IL7R: variants seen among roughly 807,000 people sequenced by gnomAD.
The protein encoded by IL7R is interleukin 7 receptor.
In IL7R, 38 loss-of-function variants were observed where a neutral mutation model predicts 47.0. The ratio of observed to expected loss-of-function variants is 0.81; its 90% confidence interval spans 0.62 to 1.06. IL7R has a LOEUF of 1.06. Among genes scored for constraint, IL7R ranks in the 50% least tolerant of loss-of-function variants. IL7R has a pLI of 0.00. For synonymous variants in IL7R, 221 were observed against 199.8 expected, an observed-to-expected ratio of 1.11 and a Z score of -0.89; for missense variants, 633 against 534.8, an observed-to-expected ratio of 1.18 and a Z score of -1.81.
chr5:35,858,343 T>C (rs1235434329), intron 1 of IL7R, among the ~76,000 whole-genome samples: 2 of 152,150 alleles, frequency 1.3e-5, no homozygotes, highest in African/African-American at 2.4e-5. Context: ...TTGAAAGTTG[T>C]CAATTTTCTG....
rs1393129501 is a variant in IL7R at position 35,876,729 on chromosome 5, T to C, written c.*243T>C. The C allele has an allele frequency of 3.9e-6, 2 of 515,380 alleles. No individual in the cohort carries two copies. Among genetic ancestry groups the C allele is most frequent in the Non-Finnish European group, 6.9e-6 (2 of 290,164 alleles). 31.9% of individuals were successfully genotyped at this position (515,380 alleles called of 1,614,324 possible). Reference sequence around the variant, plus strand: ...GGTCACAAGGTTTAAGGTGACCCAATGATTCAGCTATTTAAAAAAAAAAGA... The same window carrying C: ...GGTCACAAGGTTTAAGGTGACCCAACGATTCAGCTATTTAAAAAAAAAAGA... On this transcript the variant is annotated 3_prime_UTR_variant, in exon 8 of 8. Coordinates refer to ENST00000303115, the MANE Select transcript of IL7R (RefSeq NM_002185.5).
chr5:35,858,396 A>C (rs544939779), intron 1 of IL7R, among the ~76,000 whole-genome samples: 1 of 152,310 alleles, frequency 6.6e-6, no homozygotes, highest in South Asian at 2.1e-4. Context: ...ATACTTTTTA[A>C]AAATCCAAAT....
intron 3 of IL7R, among the ~76,000 whole-genome samples, chr5:35,868,232 G>A (rs1759987020): frequency 6.6e-6 from 1 of 152,156 alleles, no homozygotes; most frequent in Admixed American, 6.5e-5. Context: ...TTTACTCAAA[G>A]TTTACTGATT....
rs114441625 is a variant in IL7R at position 35,878,694 on chromosome 5, T to G, written c.*2208T>G. The G allele has an allele frequency of 9.4e-4, 219 of 232,806 alleles. 2 individuals carry two copies. Among genetic ancestry groups the G allele is most frequent in the African/African-American group, 4.5e-3 (203 of 45,444 alleles). 14.4% of individuals were successfully genotyped at this position (232,806 alleles called of 1,614,324 possible). A position where few individuals can be genotyped will look rare whatever the true frequency, so the allele number is the denominator to read the frequency against. On this transcript the variant is annotated 3_prime_UTR_variant, in exon 8 of 8. Transcript: ENST00000303115. ...CCTTATTCACAGAAGTTCTTTGAAG[T>G]ATTTATTGTTATTTTCTTTGACTTA...
In IL7R at chr5:35,876,312, G is replaced by A. The variant is rs2149906010; in HGVS notation, c.1206G>A (p.Gln402=). 1 of 1,613,608 alleles carries A rather than the reference G, an allele frequency of 6.2e-7. No individual in the cohort carries two copies. The highest frequency in any genetic ancestry group is 8.5e-7 in the Non-Finnish European group (1 of 1,179,588). The change falls in exon 8 of 8, where the codon CAG becomes CAA. Residue 402 remains glutamine, a synonymous_variant. Coordinates refer to ENST00000303115, the MANE Select transcript of IL7R (RefSeq NM_002185.5). ...ESGKNGPHVY[Q]DLLLSLGTTN... is the part of the protein sequence containing the mutation. ...GCAAGAATGGGCCTCATGTGTACCA[G>A]GACCTCCTGCTTAGCCTTGGGACTA...
At chr5:35,871,268 G>T in intron 4 of IL7R, 55 bp downstream of exon 4, 4 of 1,454,444 alleles carry the variant, frequency 2.8e-6, no homozygotes, top group Non-Finnish European at 3.8e-6. Context: ...TTTCTATTTT[G>T]TTGGCCTAGT....
chr5:35,856,956 C>A lies in IL7R; in HGVS notation c.-22C>A, dbSNP rs543865837. ...ATACACACTGGCTCACACATCTACTCTCTCTCTCTATCTCTCTCAGAATGA... is the reference window on the plus strand; with the variant it reads ...ATACACACTGGCTCACACATCTACTATCTCTCTCTATCTCTCTCAGAATGA... On this transcript the variant is annotated 5_prime_UTR_variant, in exon 1 of 8. Coordinates refer to ENST00000303115, the MANE Select transcript of IL7R (RefSeq NM_002185.5). The A allele has an allele frequency of 1.1e-5, 15 of 1,390,694 alleles. No homozygotes were observed. The South Asian group carries it at 1.6e-4, about 15-fold the overall frequency. 86.1% of individuals were successfully genotyped at this position (1,390,694 alleles called of 1,614,324 possible).
In IL7R at chr5:35,867,354, G is replaced by T; in HGVS notation, c.270G>T (p.Glu90Asp). ...VKCLNFRKLQEIYFIETKKFL... is the reference protein window; with the variant it reads ...VKCLNFRKLQDIYFIETKKFL... ...GCCTGAATTTCAGGAAACTACAAGA[G>T]ATATATTTCATCGAGACAAAGAAAT... Residue 90 changes from glutamate (E) to aspartate (D), a missense_variant, in exon 3 of 8, where the codon GAG becomes GAT. By Grantham distance (45) the Glu-to-Asp change is conservative. Coordinates refer to ENST00000303115, the MANE Select transcript of IL7R (RefSeq NM_002185.5). 6.2e-7 allele frequency: 1 copy of T among 1,613,666 alleles called. No homozygotes were observed. Among genetic ancestry groups the T allele is most frequent in the Non-Finnish European group, 8.5e-7 (1 of 1,179,646 alleles).
intron 1 of IL7R, among the ~76,000 whole-genome samples, chr5:35,857,446 T>C (rs1017469225): frequency 6.6e-6 from 1 of 150,808 alleles, no homozygotes; most frequent in Non-Finnish European, 1.5e-5. Flanking sequence ...TTTTAAGAAA[T>C]CCTGAAAGCA....
At chr5:35,871,259 T>C (rs1760070032) in intron 4 of IL7R, 46 bp downstream of exon 4, 2 of 1,510,912 alleles carry the variant, frequency 1.3e-6, no homozygotes, top group Non-Finnish European at 1.8e-6. Flanking sequence ...TATGAATGTT[T>C]TCTATTTTGT....
intron 1 of IL7R, among the ~76,000 whole-genome samples, chr5:35,857,646 C>A (rs923158802): frequency 2.6e-5 from 4 of 152,126 alleles, no homozygotes; most frequent in African/African-American, 9.7e-5. Context: ...AGAGAAAGAT[C>A]TAAATGAGTT....
chr5:35,865,081 G>C (rs1307801395), intron 2 of IL7R, among the ~76,000 whole-genome samples: 1 of 152,048 alleles, frequency 6.6e-6, no homozygotes, highest in African/African-American at 2.4e-5. Context: ...ATTTACATTA[G>C]GTATATCTCC....
intron 1 of IL7R, 49 bp from the exon 2 acceptor site, chr5:35,860,803 G>A (rs1261982459): frequency 6.3e-7 from 1 of 1,586,360 alleles, no homozygotes; most frequent in East Asian, 2.2e-5. Flanking sequence ...TATTTCAAAA[G>A]GATGCATTTA....
intron 4 of IL7R, among the ~76,000 whole-genome samples, chr5:35,872,990 A>G (rs1048783466): frequency 1.3e-5 from 2 of 151,888 alleles, no homozygotes; most frequent in African/African-American, 4.8e-5. Context: ...ATAGCAATGG[A>G]CTTCTTTTTA....
chr5:35,868,965 G>C (rs1760005576), intron 3 of IL7R, among the ~76,000 whole-genome samples: 1 of 152,126 alleles, frequency 6.6e-6, no homozygotes, highest in South Asian at 2.1e-4. Flanking sequence ...AGGTACGTAT[G>C]GTACACACAC....
At chr5:35,874,274 T>C (rs892120385) in intron 5 of IL7R, among the ~76,000 whole-genome samples, 175 bp from the exon 6 acceptor site, 1 of 152,200 alleles carries the variant, frequency 6.6e-6, no homozygotes, top group Non-Finnish European at 1.5e-5. Context: ...CCCAAGTCAA[T>C]GCCTTTTAAA....
At chr5:35,867,604 T>G in intron 3 of IL7R, 141 bp downstream of exon 3, 2 of 717,704 alleles carry the variant, frequency 2.8e-6, no homozygotes, top group Middle Eastern at 3.2e-4. Flanking sequence ...CTGTAAATTT[T>G]TATAATAAAT....
intron 4 of IL7R, 89 bp from the exon 5 acceptor site, chr5:35,873,390 GA>G (rs1354325924): frequency 9.1e-7 from 1 of 1,094,270 alleles, no homozygotes; most frequent in African/African-American, 1.6e-5. Context: ...ATGCTTATGG[GA>G]CTAAAGGAAT....
intron 4 of IL7R, among the ~76,000 whole-genome samples, chr5:35,872,063 C>A (rs1343846499): frequency 1.3e-5 from 2 of 152,176 alleles, no homozygotes; most frequent in African/African-American, 2.4e-5. Context: ...CCCACCCCAC[C>A]CTTGATCCTG....
Sources: gnomAD v4.1 joint callset for allele counts (sites outside exome capture counted in the v4.1 genomes callset) on GRCh38, gnomAD v4.1.1 for gene constraint, MANE v1.5 for transcripts, NCBI Gene and HGNC (gene_info 2026-07-23, HGNC 2026-07-21) for gene names.